ACTR10: variants seen among roughly 807,000 people sequenced by gnomAD.
ACTR10 encodes actin-related protein 10.
A neutral mutation model predicts 56.2 loss-of-function variants in ACTR10; 43 were observed. That is an observed-to-expected ratio of 0.77 (90% confidence interval 0.60 to 0.99). The LOEUF is 0.99. ACTR10 is among the 50% of genes least tolerant of loss of function. The probability of loss-of-function intolerance (pLI) is 0.00; values close to 1 mark genes in which losing one functional copy is unlikely to be tolerated. For missense variants in ACTR10, 466 were observed against 507.8 expected, an observed-to-expected ratio of 0.92 and a Z score of 0.79; for synonymous variants, 170 against 176.3, an observed-to-expected ratio of 0.96 and a Z score of 0.28.
chr14:58,212,830 G>A (rs886803516), intron 5 of ACTR10, among the ~76,000 whole-genome samples: 1 of 152,082 alleles, frequency 6.6e-6, no homozygotes. Flanking sequence ...AATTTAGAGT[G>A]TTCTAGGCTG....
At chr14:58,229,139 T>C (rs1390957591) in intron 10 of ACTR10, among the ~76,000 whole-genome samples, 4 of 151,984 alleles carry the variant, frequency 2.6e-5, no homozygotes, top group African/African-American at 4.8e-5. Flanking sequence ...AATGGAGATA[T>C]AGAACTATTG....
Position 58,216,616 on chromosome 14 carries a change from T to C in ACTR10, c.598+1332T>C, listed in dbSNP as rs1889140951. On this transcript the variant is annotated intron_variant, in intron 7 of 12. Transcript: ENST00000254286. ...CCTTATTAAAGCTACAGTAAATTTC[T>C]TACAGTTGTCGAGGCACCGTGAGTC... 2.0e-5 allele frequency among the ~76,000 whole-genome samples: 3 copies of C among 152,212 alleles called. No individual in the cohort carries two copies. The South Asian group carries it at 6.2e-4, about 31-fold the overall frequency.
intron 7 of ACTR10, 174 bp from the exon 8 acceptor site, chr14:58,219,520 T>G: frequency 2.3e-6 from 1 of 441,082 alleles, no homozygotes; most frequent in Middle Eastern, 6.2e-4. Flanking sequence ...CTTTGAATGA[T>G]GATATTTCTT....
chr14:58,230,335 G>C, intron 10 of ACTR10, 64 bp from the exon 11 acceptor site: 2 of 831,754 alleles, frequency 2.4e-6, no homozygotes, highest in South Asian at 1.8e-5. Flanking sequence ...AAATAATGGT[G>C]TATTCTGTGT....
intron 8 of ACTR10, 177 bp from the exon 9 acceptor site, chr14:58,223,445 G>T: frequency 1.6e-6 from 1 of 639,338 alleles, no homozygotes; most frequent in South Asian, 2.1e-5. Flanking sequence ...GCCAAAACAG[G>T]TTTTTTAATG....
chr14:58,205,253 A>G lies in ACTR10; in HGVS notation c.150+2326A>G, dbSNP rs192020942. 3.1e-3 allele frequency among the ~76,000 whole-genome samples: 474 copies of G among 151,646 alleles called. 1 individual carries two copies. Among genetic ancestry groups the G allele is most frequent in the Non-Finnish European group, 5.7e-3 (387 of 67,846 alleles). On this transcript the variant is annotated intron_variant, in intron 2 of 12. Transcript: ENST00000254286. Reference sequence around the variant, plus strand: ...AACAAAAACAAAAACAAAAAAAAACATGTTATAGCAGAATAGACGAGACCA... The same window carrying G: ...AACAAAAACAAAAACAAAAAAAAACGTGTTATAGCAGAATAGACGAGACCA...
rs1024511673 is a variant in ACTR10 at position 58,223,643 on chromosome 14, A to G, written c.656A>G (p.Asp219Gly). ...AAAGCGCGTACTTGCTTTGTAAGTGATCTGAAGCGAGGACTAAAAATCCAA... is the reference window on the plus strand; with the variant it reads ...AAAGCGCGTACTTGCTTTGTAAGTGGTCTGAAGCGAGGACTAAAAATCCAA... ...DIKARTCFVS[D>G]LKRGLKIQAA... The change falls in exon 9 of 13, where the codon GAT (aspartate) becomes GGT (glycine). Residue 219 changes from aspartate to glycine, a missense_variant. Physicochemically the swap from Asp to Gly is moderately conservative, Grantham distance 94 (BLOSUM62 -1). Coordinates refer to ENST00000254286, the MANE Select transcript of ACTR10 (RefSeq NM_018477.3). 7 of 1,613,412 alleles carry G rather than the reference A, an allele frequency of 4.3e-6. No individual in the cohort carries two copies. The highest frequency in any genetic ancestry group is 1.1e-5 in the South Asian group (1 of 90,858).
Position 58,234,732 on chromosome 14 carries a change from A to T in ACTR10, c.*181A>T. The T allele has an allele frequency of 2.1e-6, 1 of 470,794 alleles. No individual in the cohort carries two copies. 29.2% of individuals were successfully genotyped at this position (470,794 alleles called of 1,614,324 possible). ...TTTGTTTCTCTTGTGTAGTGGTAAAATGGTAGCTGGTGCTTATTGAGATTT... is the reference window on the plus strand; with the variant it reads ...TTTGTTTCTCTTGTGTAGTGGTAAATTGGTAGCTGGTGCTTATTGAGATTT... On this transcript the variant is annotated 3_prime_UTR_variant, in exon 13 of 13. Transcript: ENST00000254286.
chr14:58,221,049 C>T (rs968632081), intron 8 of ACTR10, among the ~76,000 whole-genome samples: 1 of 151,830 alleles, frequency 6.6e-6, no homozygotes, highest in African/African-American at 2.4e-5. Flanking sequence ...TTTGGGAGGC[C>T]GAGGTGGGCG....
chr14:58,202,424 A>G (rs1427364818), intron 1 of ACTR10, among the ~76,000 whole-genome samples: 2 of 151,874 alleles, frequency 1.3e-5, no homozygotes, highest in Non-Finnish European at 2.9e-5. Flanking sequence ...TACTAAAAAA[A>G]AAAAAAAAAA....
intron 10 of ACTR10, among the ~76,000 whole-genome samples, chr14:58,226,889 C>T (rs187422950): frequency 3.9e-5 from 6 of 152,176 alleles, no homozygotes; most frequent in East Asian, 1.9e-4. Flanking sequence ...TGTGAGCCAC[C>T]GCACCCAGCC....
intron 10 of ACTR10, among the ~76,000 whole-genome samples, chr14:58,229,573 G>T (rs1344168965): frequency 2.0e-5 from 3 of 151,868 alleles, no homozygotes; most frequent in African/African-American, 7.3e-5. Flanking sequence ...AGCTATTCAG[G>T]TGGCTGAGGC....
At chr14:58,223,926 T>G in intron 10 of ACTR10, 70 bp downstream of exon 10, 1 of 1,189,754 alleles carries the variant, frequency 8.4e-7, no homozygotes, top group South Asian at 1.3e-5. Flanking sequence ...AATATTTGTA[T>G]GAGCCTTTAT....
chr14:58,202,398 G>C (rs1249926656), intron 1 of ACTR10, among the ~76,000 whole-genome samples: 1 of 151,334 alleles, frequency 6.6e-6, no homozygotes, highest in Non-Finnish European at 1.5e-5. Context: ...TGGCTAACAC[G>C]GTGAAACCTC....
rs764220668 is a variant in ACTR10, at chr14:58,223,783, C to T, written c.715C>T (p.Arg239Cys). 15 of 1,611,694 alleles carry T rather than the reference C, an allele frequency of 9.3e-6. No homozygotes were observed. The highest frequency in any genetic ancestry group is 1.3e-5 in the African/African-American group (1 of 74,766). ...TATGTTTATGATATTTATATTTCAGCGTCCCTCCCCACCCCCAAATGTTGA... is the reference window on the plus strand; with the variant it reads ...TATGTTTATGATATTTATATTTCAGTGTCCCTCCCCACCCCCAAATGTTGA... ...AKFNIDGNNE[R>C]PSPPPNVDYP... The change falls in exon 10 of 13, where the codon CGT (arginine) becomes TGT (cysteine). Residue 239 changes from arginine to cysteine, a missense_variant and splice_region_variant. Transcript: ENST00000254286.
chr14:58,226,757 G>T (rs1287283194), intron 10 of ACTR10, among the ~76,000 whole-genome samples: 1 of 151,938 alleles, frequency 6.6e-6, no homozygotes, highest in African/African-American at 2.4e-5. Context: ...TGCGCACCAT[G>T]CCCAGCTAAT....
At chr14:58,213,577 C>A in intron 5 of ACTR10, 54 bp from the exon 6 acceptor site, 3 of 1,292,800 alleles carry the variant, frequency 2.3e-6, no homozygotes, top group Non-Finnish European at 3.2e-6. Flanking sequence ...AGGAAAATAT[C>A]AAGGAAACCA....
rs114838950 is a variant in ACTR10, at chr14:58,201,514, G to A, written c.77+1220G>A. Among the ~76,000 whole-genome samples, 149 of 152,278 alleles carry A rather than the reference G, an allele frequency of 9.8e-4. 1 individual carries two copies. The highest frequency in any genetic ancestry group is 3.3e-3 in the African/African-American group (136 of 41,554). Reference sequence around the variant, plus strand: ...CACTGATGCAAGTAAACATGGAGACGGGAATAGGAGGAGATGGAGAGAATT... The same window carrying A: ...CACTGATGCAAGTAAACATGGAGACAGGAATAGGAGGAGATGGAGAGAATT... On this transcript the variant is annotated intron_variant, in intron 1 of 12. Coordinates refer to ENST00000254286, the MANE Select transcript of ACTR10 (RefSeq NM_018477.3).
chr14:58,211,955 A>G (rs76573981), intron 5 of ACTR10, among the ~76,000 whole-genome samples: 1 of 149,830 alleles, frequency 6.7e-6, no homozygotes, highest in African/African-American at 2.5e-5. Context: ...AAAAAAAAGA[A>G]TACGTTTTTT....
Sources: gnomAD v4.1 joint callset for allele counts (sites outside exome capture counted in the v4.1 genomes callset) on GRCh38, gnomAD v4.1.1 for gene constraint, MANE v1.5 for transcripts, NCBI Gene and HGNC (gene_info 2026-07-23, HGNC 2026-07-21) for gene names.